NKAIN2: variants seen among roughly 807,000 people sequenced by gnomAD.
NKAIN2 encodes the protein sodium/potassium transporting ATPase interacting 2.
In NKAIN2, 14 loss-of-function variants were observed where a neutral mutation model predicts 32.6. The ratio of observed to expected loss-of-function variants is 0.43; its 90% CI spans 0.28 to 0.67. The LOEUF is 0.67. Among genes scored for constraint, NKAIN2 ranks in the 30% least tolerant of loss-of-function variants. NKAIN2 has a pLI of 0.17. For synonymous variants in NKAIN2, 80 were observed against 87.2 expected (o/e 0.92, Z 0.46); for missense variants, 198 against 258.3 (o/e 0.77, Z 1.60).
intron 1 of NKAIN2, among the ~76,000 whole-genome samples, chr6:124,029,265 T>C (rs1292126471): frequency 6.6e-6 from 1 of 152,074 alleles, no homozygotes; most frequent in East Asian, 1.9e-4. Flanking sequence ...AGTGAAATTC[T>C]TGAATTTTCT....
At chr6:123,990,588 C>T (rs1779371036) in intron 1 of NKAIN2, among the ~76,000 whole-genome samples, 1 of 152,114 alleles carries the variant, frequency 6.6e-6, no homozygotes, top group African/African-American at 2.4e-5. Flanking sequence ...ACCCAGCTGG[C>T]TCTGACACTG....
intron 3 of NKAIN2, among the ~76,000 whole-genome samples, chr6:124,528,530 A>C (rs1779403560): frequency 6.6e-6 from 1 of 152,200 alleles, no homozygotes; most frequent in Non-Finnish European, 1.5e-5. Flanking sequence ...TCTACAAAAA[A>C]CTAGCTTATA....
intron 1 of NKAIN2, among the ~76,000 whole-genome samples, chr6:124,256,466 G>A (rs982193563): frequency 6.6e-6 from 1 of 152,024 alleles, no homozygotes; most frequent in Non-Finnish European, 1.5e-5. Context: ...ACTGGCAATC[G>A]TTAATGCTGT....
chr6:124,779,429 T>G (rs983648296), intron 4 of NKAIN2, among the ~76,000 whole-genome samples: 2 of 152,108 alleles, frequency 1.3e-5, no homozygotes, highest in African/African-American at 4.8e-5. Flanking sequence ...CAAAATTATT[T>G]AAATGAGTTG....
intron 5 of NKAIN2, among the ~76,000 whole-genome samples, chr6:124,794,042 T>A (rs764896941): frequency 6.6e-6 from 1 of 152,172 alleles, no homozygotes; most frequent in African/African-American, 2.4e-5. Context: ...ATAGGTTAGC[T>A]ATGTTGCAAA....
intron 3 of NKAIN2, among the ~76,000 whole-genome samples, chr6:124,372,463 T>C (rs1284216443): frequency 6.6e-6 from 1 of 152,140 alleles, no homozygotes; most frequent in Non-Finnish European, 1.5e-5. Context: ...AAGCCAGTCT[T>C]TGAAATTCAC....
chr6:124,424,280 A>G (rs1774884725), intron 3 of NKAIN2, among the ~76,000 whole-genome samples: 1 of 152,156 alleles, frequency 6.6e-6, no homozygotes, highest in African/African-American at 2.4e-5. Context: ...TTGAATAAAA[A>G]TTGTCTAAAG....
intron 1 of NKAIN2, among the ~76,000 whole-genome samples, chr6:123,862,367 C>T (rs1028026704): frequency 6.6e-6 from 1 of 152,076 alleles, no homozygotes; most frequent in Non-Finnish European, 1.5e-5. Flanking sequence ...TGCTCTTGCC[C>T]ATGTTATCAT....
intron 3 of NKAIN2, among the ~76,000 whole-genome samples, chr6:124,446,072 G>A (rs1177319070): frequency 1.3e-5 from 2 of 152,004 alleles, no homozygotes; most frequent in African/African-American, 4.8e-5. Context: ...GGTCTTGTTG[G>A]CTGTCTTACT....
At chr6:124,736,820 T>C (rs767641374) in intron 4 of NKAIN2, among the ~76,000 whole-genome samples, 50 of 151,954 alleles carry the variant, frequency 3.3e-4, no homozygotes, top group Non-Finnish European at 2.4e-4. Flanking sequence ...GAGATGTTAA[T>C]GGAAATTAAT....
chr6:124,245,277 G>A lies in NKAIN2; in HGVS notation c.55-37728G>A, dbSNP rs138934286. ...TCACATTTTAGCACTTCAGTGTATC[G>A]TAAATGTTCTTTGATTCAAAAGATA... On this transcript the variant is annotated intron_variant, in intron 1 of 6. Coordinates refer to ENST00000368417, the MANE Select transcript of NKAIN2 (RefSeq NM_001040214.3). Among the ~76,000 whole-genome samples, 187 of 152,086 alleles carry A rather than the reference G, an allele frequency of 1.2e-3. 1 individual carries two copies. Among genetic ancestry groups the A allele is most frequent in the African/African-American group, 4.3e-3 (178 of 41,508 alleles).
At chr6:124,329,815 T>G (rs1344438916) in intron 2 of NKAIN2, among the ~76,000 whole-genome samples, 1 of 152,224 alleles carries the variant, frequency 6.6e-6, no homozygotes, top group African/African-American at 2.4e-5. Context: ...CTTTCTTTAC[T>G]ATAAAGTATG....
intron 1 of NKAIN2, among the ~76,000 whole-genome samples, chr6:123,822,338 C>G (rs1417522274): frequency 6.6e-6 from 1 of 152,072 alleles, no homozygotes; most frequent in Non-Finnish European, 1.5e-5. Flanking sequence ...TTAAGTTTTG[C>G]TATTAGAATT....
chr6:123,968,955 G>A (rs997339614), intron 1 of NKAIN2, among the ~76,000 whole-genome samples: 2 of 152,146 alleles, frequency 1.3e-5, no homozygotes, highest in Admixed American at 1.3e-4. Context: ...CATGAGCTCT[G>A]TGAGGAGAGC....
chr6:123,979,306 T>C (rs1778786236), intron 1 of NKAIN2, among the ~76,000 whole-genome samples: 1 of 152,200 alleles, frequency 6.6e-6, no homozygotes. Flanking sequence ...GCAGTAACAT[T>C]CGTTATTACA....
intron 3 of NKAIN2, among the ~76,000 whole-genome samples, chr6:124,422,233 G>T (rs565232762): frequency 6.6e-6 from 1 of 152,100 alleles, no homozygotes; most frequent in South Asian, 2.1e-4. Flanking sequence ...AATGGCAACT[G>T]AATTAGACAT....
chr6:123,920,842 CA>C (rs1775719229), intron 1 of NKAIN2, among the ~76,000 whole-genome samples: 1 of 152,080 alleles, frequency 6.6e-6, no homozygotes, highest in Non-Finnish European at 1.5e-5. Flanking sequence ...CTTCATAAGT[CA>C]AAAAGTGTGC....
At chr6:124,030,041 AAAAC>A (rs144418162) in intron 1 of NKAIN2, among the ~76,000 whole-genome samples, 8,651 of 151,946 alleles carry the variant, frequency 0.057, 821 homozygotes, top group African/African-American at 0.2. Context: ...CATCTCTACA[AAAAC>A]AAACAAACAA....
At chr6:124,421,265 A>G (rs1774737573) in intron 3 of NKAIN2, among the ~76,000 whole-genome samples, 1 of 152,090 alleles carries the variant, frequency 6.6e-6, no homozygotes, top group Non-Finnish European at 1.5e-5. Context: ...CATGACCAAA[A>G]GAATATTAAC....
Sources: allele counts gnomAD v4.1 joint callset (sites outside exome capture counted in the v4.1 genomes callset), GRCh38; gene constraint gnomAD v4.1.1; transcripts MANE v1.5; gene names NCBI Gene and HGNC (gene_info 2026-07-23, HGNC 2026-07-21).